Variants in LDLRAD4 observed in about 807,000 individuals in gnomAD.
LDLRAD4 encodes the protein low-density lipoprotein receptor class A domain-containing protein 4.
Under a neutral mutation model 17.0 loss-of-function variants are expected in LDLRAD4, and 5 were observed. The observed-to-expected ratio is 0.29, with a 90% CI of 0.15 to 0.62. LDLRAD4 has a LOEUF of 0.62. Ranked by LOEUF, LDLRAD4 falls within the 20% of genes least tolerant of loss-of-function variation. The pLI, the probability that LDLRAD4 is intolerant of heterozygous loss-of-function variation, is 0.84. For missense variants in LDLRAD4, 340 were observed against 424.7 expected (o/e 0.80, Z 1.75); for synonymous variants, 168 against 171.8 (o/e 0.98, Z 0.17).
At chr18:13,425,799 C>T (rs1264353352) in intron 2 of LDLRAD4, 3 of 152,500 alleles carry the variant, frequency 2.0e-5, no homozygotes, top group African/African-American at 7.2e-5. Context: ...CTTCATCTGA[C>T]TGACTTGGGT....
chr18:13,473,655 A>G (rs1455866989), intron 3 of LDLRAD4, among the ~76,000 whole-genome samples: 14 of 102,442 alleles, frequency 1.4e-4, no homozygotes, highest in African/African-American at 4.8e-4. Flanking sequence ...ATATATATAT[A>G]TATATATATA....
At chr18:13,243,438 A>G (rs1012555476) in intron 1 of LDLRAD4, among the ~76,000 whole-genome samples, 1 of 146,096 alleles carries the variant, frequency 6.8e-6, no homozygotes, top group African/African-American at 2.6e-5. Flanking sequence ...AGCCACCTGT[A>G]CACCCACCCA....
At chr18:13,574,915 G>A (rs555701097) in intron 3 of LDLRAD4, among the ~76,000 whole-genome samples, 1 of 152,056 alleles carries the variant, frequency 6.6e-6, no homozygotes, top group African/African-American at 2.4e-5. Flanking sequence ...GCCCCCATAC[G>A]TCTCCTCCTT....
chr18:13,551,345 C>A (rs1295918994), intron 3 of LDLRAD4, among the ~76,000 whole-genome samples: 1 of 152,092 alleles, frequency 6.6e-6, no homozygotes. Flanking sequence ...TGTGTCCTAC[C>A]GAGGATCTGT....
chr18:13,417,965 T>A (rs1186011716), intron 2 of LDLRAD4, among the ~76,000 whole-genome samples: 1 of 152,202 alleles, frequency 6.6e-6, no homozygotes, highest in Non-Finnish European at 1.5e-5. Flanking sequence ...ACACCACTTA[T>A]CCACGGAGGA....
At chr18:13,520,381 A>G (rs2093934725) in intron 3 of LDLRAD4, 1 of 152,176 alleles carries the variant, frequency 6.6e-6, no homozygotes, top group African/African-American at 2.4e-5. Context: ...ATTGTACTTT[A>G]CATATCTTTA....
rs114064127 is a variant in LDLRAD4, at chr18:13,524,779, T to C, written c.181+86395T>C. Among the ~76,000 whole-genome samples the C allele has an allele frequency of 2.6e-3, 402 of 152,352 alleles. 2 individuals are homozygous for C. The highest frequency in any genetic ancestry group is 9.3e-3 in the African/African-American group (388 of 41,578). The stretch of plus-strand genomic sequence containing the variant: ...GTGGCTTCATGCAGGGTCCCCAGAA[T>C]GGAAGCCTTGCGTTTTTCTCCACAT... On this transcript the variant is annotated intron_variant, in intron 3 of 5. Coordinates refer to ENST00000359446, the Ensembl canonical transcript of LDLRAD4.
At position 13,621,915 on chromosome 18, in the gene LDLRAD4, A is replaced by G. The variant is rs927632588; in HGVS notation, c.336+644A>G. ...GTGGACCCTCAAGCCAAACTGCACT[A>G]TGATCAAACTTGAGAGACCAGGGGC... On this transcript the variant is annotated intron_variant, in intron 4 of 5. Coordinates refer to ENST00000359446, the Ensembl canonical transcript of LDLRAD4. The surrounding 1 kb of genome is among the most constrained non-coding windows in gnomAD (Gnocchi z 5.5). 5.9e-5 allele frequency among the ~76,000 whole-genome samples: 9 copies of G among 152,224 alleles called. No individual in the cohort carries two copies. In the South Asian group the frequency reaches 1.9e-3, roughly 32 times the overall value.
chr18:13,392,569 T>G (rs1599881164), intron 2 of LDLRAD4, among the ~76,000 whole-genome samples: 1 of 152,190 alleles, frequency 6.6e-6, no homozygotes, highest in East Asian at 1.9e-4. Context: ...GTGGTGGAGA[T>G]TTCACCTGAG....
chr18:13,489,121 A>T (rs1284148371), intron 3 of LDLRAD4: 1 of 149,074 alleles, frequency 6.7e-6, no homozygotes, highest in African/African-American at 2.5e-5. Context: ...AAAGGTGGAG[A>T]TTTATTGGAA....
intron 1 of LDLRAD4, among the ~76,000 whole-genome samples, chr18:13,346,253 T>C (rs546431085): frequency 7.2e-5 from 11 of 152,330 alleles, no homozygotes; most frequent in Admixed American, 2.6e-4. Context: ...GCTTTGAATG[T>C]GTCCCAGAGA....
intron 2 of LDLRAD4, among the ~76,000 whole-genome samples, chr18:13,407,761 A>G (rs575772615): frequency 6.6e-6 from 1 of 152,170 alleles, no homozygotes; most frequent in Admixed American, 6.5e-5. Context: ...CCTTGGAGAT[A>G]TTTTCTTCAC....
upstream of LDLRAD4, among the ~76,000 whole-genome samples, chr18:13,218,566 C>G (rs1019668954): frequency 3.9e-5 from 6 of 152,154 alleles, no homozygotes; most frequent in African/African-American, 1.4e-4. Context: ...CCTGCAGGAC[C>G]TGACCGGGGA....
At chr18:13,371,906 T>C (rs561903514) in intron 1 of LDLRAD4, among the ~76,000 whole-genome samples, 1 of 152,342 alleles carries the variant, frequency 6.6e-6, no homozygotes, top group Non-Finnish European at 1.5e-5. Flanking sequence ...ATTCCTTAAA[T>C]AGCAAGAGTT....
chr18:13,644,768 G>A, intron 5 of LDLRAD4: 2 of 226,180 alleles, frequency 8.8e-6, no homozygotes, highest in South Asian at 8.9e-5. Context: ...GCAGGCCGCA[G>A]TGCTCTTCGC....
chr18:13,480,079 T>G (rs897141201), intron 3 of LDLRAD4, among the ~76,000 whole-genome samples: 1 of 152,230 alleles, frequency 6.6e-6, no homozygotes, highest in African/African-American at 2.4e-5. Flanking sequence ...ACAGAGGAAT[T>G]GAAACATTAT....
intron 2 of LDLRAD4, among the ~76,000 whole-genome samples, chr18:13,410,037 C>G (rs2088175602): frequency 1.3e-5 from 2 of 152,296 alleles, no homozygotes; most frequent in South Asian, 2.1e-4. Flanking sequence ...GGTGTTCTTC[C>G]CAGTAATGCA....
intron 1 of LDLRAD4, among the ~76,000 whole-genome samples, chr18:13,298,459 G>C (rs1274475152): frequency 2.7e-5 from 4 of 147,542 alleles, no homozygotes; most frequent in African/African-American, 7.6e-5. Context: ...CAATTTTGCT[G>C]CTCTGGGCAC....
chr18:13,248,458 G>A (rs941441557), intron 1 of LDLRAD4, among the ~76,000 whole-genome samples: 13 of 152,184 alleles, frequency 8.5e-5, no homozygotes, highest in Admixed American at 5.9e-4. Context: ...GGCTGGTGTG[G>A]GCACAGCGAC....
Sources: gnomAD v4.1 joint callset for allele counts (sites outside exome capture counted in the v4.1 genomes callset) on GRCh38, gnomAD v4.1.1 for gene constraint, Gnocchi (gnomAD v3.1) non-coding constraint, MANE v1.5 for transcripts, NCBI Gene and HGNC (gene_info 2026-07-23, HGNC 2026-07-21) for gene names.